The following PRDM14 variants were observed in gnomAD, a reference collection of about 807,000 sequenced individuals.
PRDM14 encodes the protein PR domain zinc finger protein 14.
In PRDM14, 16 loss-of-function variants were observed where a neutral mutation model predicts 48.0. The ratio of observed to expected loss-of-function variants is 0.33; its 90% CI spans 0.23 to 0.51. The LOEUF (loss-of-function observed/expected upper bound fraction) is 0.51. Among genes scored for constraint, PRDM14 ranks in the 20% least tolerant of loss-of-function variants. PRDM14 has a pLI of 0.97. For synonymous variants in PRDM14, 264 were observed against 276.6 expected, an observed-to-expected ratio of 0.95 and a Z score of 0.45; for missense variants, 566 against 719.6, an observed-to-expected ratio of 0.79 and a Z score of 2.44.
intron 6 of PRDM14, among the ~76,000 whole-genome samples, chr8:70,056,767 T>G (rs188020844): frequency 9.5e-5 from 13 of 137,438 alleles, no homozygotes; most frequent in Admixed American, 3.3e-4. Flanking sequence ...TGCAGTGAGC[T>G]GAGATCATGC....
chr8:70,070,396 C>T (rs1805746726), intron 1 of PRDM14, among the ~76,000 whole-genome samples: 1 of 152,162 alleles, frequency 6.6e-6, no homozygotes, highest in African/African-American at 2.4e-5. Flanking sequence ...CGCTCCTGGG[C>T]CCTCGGCTGG....
chr8:70,070,553 G>A (rs958571912), intron 1 of PRDM14, among the ~76,000 whole-genome samples: 1 of 152,204 alleles, frequency 6.6e-6, no homozygotes, highest in Non-Finnish European at 1.5e-5. Context: ...CCGCAGGGGA[G>A]GGGCGCGCCA....
intron 6 of PRDM14, among the ~76,000 whole-genome samples, chr8:70,055,653 G>T (rs1014505463): frequency 2.0e-5 from 3 of 151,984 alleles, no homozygotes; most frequent in Non-Finnish European, 2.9e-5. Context: ...CTACAGGTGC[G>T]TGCCACTAAG....
At chr8:70,054,515 ATTTTTTTT>A (rs561179179) in intron 7 of PRDM14, among the ~76,000 whole-genome samples, 1 of 115,028 alleles carries the variant, frequency 8.7e-6, no homozygotes. Context: ...TGAAATAGTG[ATTTTTTTT>A]TTTTTTTTTT....
chr8:70,052,797 G>A lies in PRDM14; in HGVS notation c.1489-493C>T, dbSNP rs139013072. Among the ~76,000 whole-genome samples, 817 of 148,784 alleles carry A rather than the reference G, an allele frequency of 5.5e-3. 6 individuals carry two copies. The highest frequency in any genetic ancestry group is 0.019 in the African/African-American group (784 of 40,210). On this transcript the variant is annotated intron_variant, in intron 7 of 7. Coordinates refer to ENST00000276594, the MANE Select transcript of PRDM14 (RefSeq NM_024504.4). ...GGAGAATTTCTTGAACCCAGGAGGC[G>A]GAGGTTGCAGTAAGCCGTTATTGCA... is the stretch of plus-strand genomic sequence containing the variant.
chr8:70,068,120 G>C, intron 4 of PRDM14, 110 bp downstream of exon 4: 2 of 1,216,822 alleles, frequency 1.6e-6, no homozygotes, highest in Non-Finnish European at 2.4e-6. Flanking sequence ...ATCTGCCCTG[G>C]ATGTCCTCTC....
At chr8:70,070,028 C>A in intron 1 of PRDM14, 144 bp from the exon 2 acceptor site, 2 of 553,706 alleles carry the variant, frequency 3.6e-6, no homozygotes, top group Non-Finnish European at 3.2e-6. Flanking sequence ...CCCGCCAGCC[C>A]GCTCCCACAA....
chr8:70,055,220 C>T (rs1805453662), intron 7 of PRDM14, 80 bp downstream of exon 7: 1 of 765,796 alleles, frequency 1.3e-6, no homozygotes, highest in Non-Finnish European at 2.2e-6. Context: ...ACTCATTAAG[C>T]CAGGCTTTGT....
At chr8:70,058,280 C>T (rs1462976809) in intron 6 of PRDM14, among the ~76,000 whole-genome samples, 1 of 152,192 alleles carries the variant, frequency 6.6e-6, no homozygotes, top group Non-Finnish European at 1.5e-5. Context: ...TCTGGAACAG[C>T]TCGACTCTTT....
At chr8:70,056,858 G>GTA (rs1433329810) in intron 6 of PRDM14, among the ~76,000 whole-genome samples, 1 of 147,906 alleles carries the variant, frequency 6.8e-6, no homozygotes, top group Non-Finnish European at 1.5e-5. Flanking sequence ...CCACTGTACT[G>GTA]TAAGAGCACC....
intron 6 of PRDM14, among the ~76,000 whole-genome samples, chr8:70,056,397 G>A (rs898996999): frequency 1.3e-5 from 2 of 152,216 alleles, no homozygotes; most frequent in African/African-American, 2.4e-5. Flanking sequence ...TTTTCTCTGA[G>A]AAAGGTTTCT....
chr8:70,051,768 T>G lies in PRDM14; in HGVS notation c.*309A>C. The stretch of plus-strand genomic sequence containing the variant: ...CTCCACACTCTTGAGGGCTACTCAT[T>G]TTTTTTGTTTTGTTTTGTTTTGAGA... On this transcript the variant is annotated 3_prime_UTR_variant, in exon 8 of 8. Transcript: ENST00000276594. 1 of 255,448 alleles carries G rather than the reference T, an allele frequency of 3.9e-6. No individual in the cohort carries two copies. Among genetic ancestry groups the G allele is most frequent in the Non-Finnish European group, 7.8e-6 (1 of 128,902 alleles). 15.8% of individuals were successfully genotyped at this position (255,448 alleles called of 1,614,324 possible).
rs996407351 is a variant in PRDM14 at position 70,055,756 on chromosome 8, C to T, written c.1387-355G>A. Among the ~76,000 whole-genome samples, 6 of 152,150 alleles carry T rather than the reference C, an allele frequency of 3.9e-5. No individual in the cohort carries two copies. In the East Asian group the frequency reaches 1.2e-3, roughly 29 times the overall value. On this transcript the variant is annotated intron_variant, in intron 6 of 7. Transcript: ENST00000276594. The stretch of plus-strand genomic sequence containing the variant: ...ACTCCAACAGATCCTCCTGCCTTGG[C>T]CTCCCAAAGTGCTAGGATTATAGCC...
chr8:70,067,577 C>G (rs1371649300), intron 4 of PRDM14, among the ~76,000 whole-genome samples: 2 of 151,246 alleles, frequency 1.3e-5, no homozygotes, highest in African/African-American at 4.9e-5. Context: ...CTGCTGCTGG[C>G]AATTTCGCTG....
intron 5 of PRDM14, among the ~76,000 whole-genome samples, 157 bp from the exon 6 acceptor site, chr8:70,058,999 G>T (rs574664703): frequency 6.6e-6 from 1 of 152,314 alleles, no homozygotes; most frequent in African/African-American, 2.4e-5. Flanking sequence ...GTATTGCCCA[G>T]TCTGTAGTGC....
At chr8:70,055,088 T>C (rs1469051719) in intron 7 of PRDM14, among the ~76,000 whole-genome samples, 4 of 152,348 alleles carry the variant, frequency 2.6e-5, no homozygotes, top group Non-Finnish European at 5.9e-5. Context: ...TTTTATTACA[T>C]GTACTCTAAA....
At chr8:70,068,591 T>A in intron 2 of PRDM14, 59 bp from the exon 3 acceptor site, 3 of 1,418,124 alleles carry the variant, frequency 2.1e-6, no homozygotes, top group Non-Finnish European at 3.0e-6. Flanking sequence ...AGTGCTTTTA[T>A]GAGGTGTTTC....
At chr8:70,070,222 G>A (rs1805743431) in intron 1 of PRDM14, among the ~76,000 whole-genome samples, 1 of 152,044 alleles carries the variant, frequency 6.6e-6, no homozygotes, top group African/African-American at 2.4e-5. Context: ...CCCCCAACCC[G>A]GTTCCTGCAA....
At chr8:70,070,366 G>C (rs1805746203) in intron 1 of PRDM14, among the ~76,000 whole-genome samples, 1 of 152,152 alleles carries the variant, frequency 6.6e-6, no homozygotes, top group Non-Finnish European at 1.5e-5. Context: ...GAGGGCAATG[G>C]AGCAAGCGAC....
Sources: gnomAD v4.1 joint callset for allele counts (sites outside exome capture counted in the v4.1 genomes callset) on GRCh38, gnomAD v4.1.1 for gene constraint, MANE v1.5 for transcripts, NCBI Gene and HGNC (gene_info 2026-07-23, HGNC 2026-07-21) for gene names.